Variants in PRKCQ observed in about 807,000 individuals in gnomAD.
PRKCQ encodes protein kinase C theta type.
In PRKCQ, 41 loss-of-function variants were observed where a neutral mutation model predicts 91.2. The observed-to-expected ratio is 0.45, with a 90% CI of 0.35 to 0.58. The LOEUF is 0.58. Ranked by LOEUF, PRKCQ falls within the 20% of genes least tolerant of loss-of-function variation. PRKCQ has a pLI of 0.00. For missense variants in PRKCQ, 673 were observed against 896.5 expected (o/e 0.75, Z 3.18); for synonymous variants, 307 against 316.9 (o/e 0.97, Z 0.33).
intron 14 of PRKCQ, among the ~76,000 whole-genome samples, chr10:6,459,325 A>G (rs1835196651): frequency 6.6e-6 from 1 of 151,954 alleles, no homozygotes; most frequent in Admixed American, 6.6e-5. Context: ...AATCCATTCT[A>G]CCTCTGAAGA....
chr10:6,432,194 G>A (rs1188415714), intron 16 of PRKCQ, among the ~76,000 whole-genome samples: 1 of 152,012 alleles, frequency 6.6e-6, no homozygotes, highest in East Asian at 1.9e-4. Context: ...GCTTTCCCAG[G>A]GACTTGACCT....
intron 8 of PRKCQ, among the ~76,000 whole-genome samples, chr10:6,489,764 A>G (rs1725204221): frequency 6.6e-6 from 1 of 152,024 alleles, no homozygotes; most frequent in Non-Finnish European, 1.5e-5. Context: ...CTTGAAATGT[A>G]GGTGGTAGGA....
At chr10:6,399,860 C>A in the PRKCQ span, among the ~76,000 whole-genome samples, 1 of 152,072 alleles carries the variant, frequency 6.6e-6, no homozygotes, top group Non-Finnish European at 1.5e-5. Flanking sequence ...AAGGGCCCAG[C>A]ATCTCCTATG....
At chr10:6,515,396 CT>C in intron 1 of PRKCQ, 2 of 985,418 alleles carry the variant, frequency 2.0e-6, no homozygotes, top group South Asian at 9.4e-5. Context: ...TGAGAAGTAA[CT>C]CAAGAGTTAG....
intron 1 of PRKCQ, among the ~76,000 whole-genome samples, chr10:6,578,688 A>G (rs1409982528): frequency 6.6e-6 from 1 of 152,242 alleles, no homozygotes. Context: ...CCTGCATCAA[A>G]CAATGGCACT....
chr10:6,451,269 C>A (rs1022904066), intron 15 of PRKCQ, among the ~76,000 whole-genome samples: 2 of 151,416 alleles, frequency 1.3e-5, no homozygotes, highest in African/African-American at 2.4e-5. Context: ...CACAGAAATA[C>A]AAACTACCAT....
chr10:6,396,025 C>A, the PRKCQ span, among the ~76,000 whole-genome samples: 1 of 152,070 alleles, frequency 6.6e-6, no homozygotes, highest in Non-Finnish European at 1.5e-5. Context: ...GCTCCAGGGA[C>A]TGAAAAACAT....
At chr10:6,555,117 G>A (rs1840358088) in intron 1 of PRKCQ, among the ~76,000 whole-genome samples, 1 of 151,900 alleles carries the variant, frequency 6.6e-6, no homozygotes, top group South Asian at 2.1e-4. Flanking sequence ...ATAGATACTG[G>A]GGACAAGTAA....
At chr10:6,531,263 T>G (rs969821288) in intron 1 of PRKCQ, among the ~76,000 whole-genome samples, 6 of 152,016 alleles carry the variant, frequency 3.9e-5, no homozygotes, top group Non-Finnish European at 5.9e-5. Flanking sequence ...GGCCAGCAGC[T>G]TTCTCGTTTC....
rs575926247 is a variant in PRKCQ, at chr10:6,451,566, A to G, written c.1647+5108T>C. 7.2e-5 allele frequency among the ~76,000 whole-genome samples: 11 copies of G among 152,352 alleles called. No homozygotes were observed. The East Asian group carries it at 1.9e-3, about 27-fold the overall frequency. On this transcript the variant is annotated intron_variant, in intron 15 of 17. Transcript: ENST00000263125. ...AATAGAAAAAAAGGGAATCCTCCTT[A>G]ACTCATTTGATGAGGCCAGCATCAT...
At chr10:6,513,918 G>A (rs948645791) in intron 2 of PRKCQ, among the ~76,000 whole-genome samples, 3 of 152,024 alleles carry the variant, frequency 2.0e-5, no homozygotes, top group African/African-American at 7.3e-5. Context: ...ACACATCCCT[G>A]CCCCCAGTCC....
downstream of PRKCQ, among the ~76,000 whole-genome samples, chr10:6,423,314 C>T (rs775684174): frequency 7.2e-5 from 11 of 152,210 alleles, no homozygotes; most frequent in Non-Finnish European, 1.5e-4. Flanking sequence ...CAGGCACACG[C>T]ATGCCCCAGG....
chr10:6,489,200 C>T (rs1402052426), intron 8 of PRKCQ, among the ~76,000 whole-genome samples: 3 of 152,088 alleles, frequency 2.0e-5, no homozygotes, highest in African/African-American at 4.8e-5. Flanking sequence ...GTTTCAACTT[C>T]GGTAGCCCCA....
At position 6,435,422 on chromosome 10, in the gene PRKCQ, G is replaced by C. The variant is rs150046310; in HGVS notation, c.1837-4484C>G. The stretch of plus-strand genomic sequence containing the variant: ...AATGGGGCTCAAGAATGTGGGGGCT[G>C]TTGGATCAAAGCAAAGGAGGAATAG... On this transcript the variant is annotated intron_variant, in intron 16 of 17. Coordinates refer to ENST00000263125, the MANE Select transcript of PRKCQ (RefSeq NM_006257.5). 5.3e-4 allele frequency among the ~76,000 whole-genome samples: 80 copies of C among 152,330 alleles called. No homozygotes were observed. In the East Asian group the frequency reaches 0.015, roughly 28 times the overall value.
At chr10:6,558,960 C>T (rs759297159) in intron 1 of PRKCQ, among the ~76,000 whole-genome samples, 1 of 152,128 alleles carries the variant, frequency 6.6e-6, no homozygotes, top group Non-Finnish European at 1.5e-5. Flanking sequence ...GTCCCGTCAG[C>T]GGTGACATGT....
At chr10:6,456,962 G>C in intron 14 of PRKCQ, 150 bp from the exon 15 acceptor site, 4 of 755,704 alleles carry the variant, frequency 5.3e-6, no homozygotes, top group Non-Finnish European at 6.3e-6. Context: ...ACACCAAGTG[G>C]GGTGTAGACA....
intron 15 of PRKCQ, among the ~76,000 whole-genome samples, chr10:6,451,483 A>T (rs1380255699): frequency 3.9e-5 from 6 of 152,208 alleles, no homozygotes; most frequent in African/African-American, 1.4e-4. Flanking sequence ...TCCACAGCCG[A>T]ATTCTACCAG....
chr10:6,437,932 C>A (rs746777554), intron 16 of PRKCQ, among the ~76,000 whole-genome samples: 1 of 152,134 alleles, frequency 6.6e-6, no homozygotes, highest in Non-Finnish European at 1.5e-5. Context: ...GGATTACAGG[C>A]GTGAGCCACC....
At chr10:6,414,539 T>A in the PRKCQ span, among the ~76,000 whole-genome samples, 1 of 152,136 alleles carries the variant, frequency 6.6e-6, no homozygotes, top group Non-Finnish European at 1.5e-5. Flanking sequence ...GGACATTCAA[T>A]GTATTATTAT....
Sources: allele counts gnomAD v4.1 joint callset (sites outside exome capture counted in the v4.1 genomes callset), GRCh38; gene constraint gnomAD v4.1.1; transcripts MANE v1.5; gene names NCBI Gene and HGNC (gene_info 2026-07-23, HGNC 2026-07-21).